The following ZNF292 variants were observed in gnomAD, a reference collection of about 807,000 sequenced individuals.
The protein encoded by ZNF292 is zinc finger protein 292.
ZNF292 carries 26 observed loss-of-function variants against 217.9 expected under a neutral mutation model. The ratio of observed to expected loss-of-function variants is 0.12; its 90% CI spans 0.09 to 0.17. ZNF292 has a LOEUF of 0.17. ZNF292 is among the 10% of genes least tolerant of loss of function. The pLI is 1.00. For synonymous variants in ZNF292, 1,257 were observed against 1,124.1 expected (o/e 1.12, Z -2.37); for missense variants, 2,904 against 3,175.2 (o/e 0.91, Z 2.05).
chr6:87,243,744 T>C, intron 6 of ZNF292, 133 bp downstream of exon 6: 1 of 861,256 alleles, frequency 1.2e-6, no homozygotes, highest in Non-Finnish European at 1.6e-6. Context: ...AGATATTACA[T>C]GCTGTGCAAA....
chr6:87,258,362 A>G lies in ZNF292; in HGVS notation c.4733A>G (p.Lys1578Arg). ...PVFPTNDLLL[K>R]TVENGLCSSS... The stretch of plus-strand genomic sequence containing the variant: ...TTTCCAACGAATGACTTACTACTGA[A>G]GACTGTTGAAAATGGTTTGTGCTCT... Residue 1578 changes from lysine (K) to arginine (R), a missense_variant, in exon 8 of 8, where the codon AAG becomes AGG. By Grantham distance (26) the Lys-to-Arg change is conservative (BLOSUM62 2). Transcript: ENST00000369577. 6.2e-7 allele frequency: 1 copy of G among 1,613,690 alleles called. No homozygotes were observed. The highest frequency in any genetic ancestry group is 8.5e-7 in the Non-Finnish European group (1 of 1,179,780).
chr6:87,217,611 A>G (rs927202493), intron 3 of ZNF292, among the ~76,000 whole-genome samples: 1 of 152,082 alleles, frequency 6.6e-6, no homozygotes, highest in Non-Finnish European at 1.5e-5. Flanking sequence ...CGTAAGATAA[A>G]ATTTTACACT....
intron 5 of ZNF292, among the ~76,000 whole-genome samples, chr6:87,240,641 G>A (rs1163377259): frequency 6.6e-6 from 1 of 152,056 alleles, no homozygotes; most frequent in Non-Finnish European, 1.5e-5. Flanking sequence ...GGCTGGTCTC[G>A]AACTCCTGAC....
At chr6:87,210,298 A>G (rs1283602301) in intron 1 of ZNF292, among the ~76,000 whole-genome samples, 1 of 152,216 alleles carries the variant, frequency 6.6e-6, no homozygotes, top group Non-Finnish European at 1.5e-5. Context: ...ACAGATACAT[A>G]GTTTAATTTG....
chr6:87,259,674 TAAA>T lies in ZNF292; in HGVS notation c.6048_6050del (p.Lys2017del). The T allele has an allele frequency of 6.3e-7, 1 of 1,591,338 alleles. No individual in the cohort carries two copies. The highest frequency in any genetic ancestry group is 1.1e-5 in the South Asian group (1 of 87,606). ...AACAGCTAGCTATGACAGAGGAAAA[TAAA>T]AAGGAATCTCAGCCTGCTTTAGAAT... is the stretch of plus-strand genomic sequence containing the variant. On this transcript the variant is annotated inframe_deletion, in exon 8 of 8. Coordinates refer to ENST00000369577, the MANE Select transcript of ZNF292 (RefSeq NM_015021.3).
At position 87,255,868 on chromosome 6, in the gene ZNF292, A is replaced by G. The variant is rs1339092509; in HGVS notation, c.2239A>G (p.Ser747Gly). 1.9e-6 allele frequency: 3 copies of G among 1,613,876 alleles called. No homozygotes were observed. Among genetic ancestry groups the G allele is most frequent in the South Asian group, 1.1e-5 (1 of 91,072 alleles). Reference sequence around the variant, plus strand: ...TGATCACTTACAGATGCACTGTGGCAGTAAACCATATATCTGTATACAGAT... The same window carrying G: ...TGATCACTTACAGATGCACTGTGGCGGTAAACCATATATCTGTATACAGAT... Reference protein sequence around the residue: ...LNDHLQMHCGSKPYICIQMKC... With the variant: ...LNDHLQMHCGGKPYICIQMKC... The change falls in exon 8 of 8, where the codon AGT becomes GGT. Residue 747 changes from serine (S) to glycine (G), a missense_variant. Transcript: ENST00000369577.
intron 6 of ZNF292, among the ~76,000 whole-genome samples, chr6:87,244,778 A>G (rs1774482218): frequency 6.6e-6 from 1 of 152,132 alleles, no homozygotes; most frequent in African/African-American, 2.4e-5. Flanking sequence ...TAAATTTGTT[A>G]GAAGATAAAA....
intron 5 of ZNF292, among the ~76,000 whole-genome samples, chr6:87,240,640 C>A (rs956536693): frequency 6.6e-6 from 1 of 152,036 alleles, no homozygotes; most frequent in Admixed American, 6.5e-5. Flanking sequence ...AGGCTGGTCT[C>A]GAACTCCTGA....
rs1221594609 is a variant in ZNF292, at chr6:87,256,896, G to A, written c.3267G>A (p.Val1089=). 2.5e-6 allele frequency: 4 copies of A among 1,613,780 alleles called. No homozygotes were observed. The highest frequency in any genetic ancestry group is 3.4e-6 in the Non-Finnish European group (4 of 1,179,824). ...GTAATTCATTAGGAACTCCATCAGTGCCTCCAAAAGCTCCAGTTCAGAAAT... is the reference window on the plus strand; with the variant it reads ...GTAATTCATTAGGAACTCCATCAGTACCTCCAAAAGCTCCAGTTCAGAAAT... ...DLSNSLGTPS[V]PPKAPVQKFS... The change falls in exon 8 of 8, where the codon GTG becomes GTA. Residue 1089 remains valine, a synonymous_variant. Transcript: ENST00000369577.
At position 87,255,014 on chromosome 6, in the gene ZNF292, A is replaced by C. The variant is rs1455356254; in HGVS notation, c.1385A>C (p.Glu462Ala). Reference sequence around the variant, plus strand: ...CGACAATGTCTTGCATTAATGGGAGAAGAAGCATCCATTGTGTCTTCAATA... The same window carrying C: ...CGACAATGTCTTGCATTAATGGGAGCAGAAGCATCCATTGTGTCTTCAATA... Reference protein sequence around the residue: ...LKRQCLALMGEEASIVSSIDE... With the variant: ...LKRQCLALMGAEASIVSSIDE... Residue 462 changes from glutamate (E) to alanine (A), a missense_variant, in exon 8 of 8, where the codon GAA becomes GCA. Transcript: ENST00000369577. 3.1e-6 allele frequency: 5 copies of C among 1,613,714 alleles called. No individual in the cohort carries two copies. In the East Asian group the frequency reaches 8.9e-5, roughly 29 times the overall value.
At chr6:87,173,690 C>CA (rs1771185323) in intron 1 of ZNF292, 1 of 152,224 alleles carries the variant, frequency 6.6e-6, no homozygotes, top group African/African-American at 2.4e-5. Flanking sequence ...GGAAGTTTTT[C>CA]AAAAGCTTCT....
intron 1 of ZNF292, among the ~76,000 whole-genome samples, chr6:87,197,945 C>T (rs1203301353): frequency 6.6e-6 from 1 of 151,926 alleles, no homozygotes; most frequent in African/African-American, 2.4e-5. Flanking sequence ...ACAGGTCTCT[C>T]TGAAATGTAG....
rs1463821990 is a variant in ZNF292 at position 87,262,719 on chromosome 6, A to G, written c.*918A>G. 6.6e-6 allele frequency: 1 copy of G among 152,034 alleles called. No homozygotes were observed. The highest frequency in any genetic ancestry group is 2.4e-5 in the African/African-American group (1 of 41,442). The allele number at this position is 152,034 out of a possible 1,614,324, so 9.4% of individuals were successfully genotyped here. On this transcript the variant is annotated 3_prime_UTR_variant, in exon 8 of 8. Coordinates refer to ENST00000369577, the MANE Select transcript of ZNF292 (RefSeq NM_015021.3). ...GTGAAGTAGCCCAGTATTGCCTTAAATAAAATCACATTTCATTTCTTGTTT... is the reference window on the plus strand; with the variant it reads ...GTGAAGTAGCCCAGTATTGCCTTAAGTAAAATCACATTTCATTTCTTGTTT...
At chr6:87,224,027 C>T (rs1026472355) in intron 4 of ZNF292, 1 of 152,246 alleles carries the variant, frequency 6.6e-6, no homozygotes, top group Admixed American at 6.5e-5. Context: ...AACAAAATGT[C>T]ATGTAATTGG....
At chr6:87,183,832 G>T (rs1027442138) in intron 1 of ZNF292, among the ~76,000 whole-genome samples, 3 of 152,150 alleles carry the variant, frequency 2.0e-5, no homozygotes, top group Admixed American at 6.5e-5. Context: ...TTGTATACAC[G>T]CAGTATTATA....
At chr6:87,161,342 A>G (rs1770748487) in intron 1 of ZNF292, among the ~76,000 whole-genome samples, 1 of 152,248 alleles carries the variant, frequency 6.6e-6, no homozygotes, top group Non-Finnish European at 1.5e-5. Flanking sequence ...ATAAATTAGT[A>G]AGATAATATT....
intron 3 of ZNF292, among the ~76,000 whole-genome samples, chr6:87,217,094 A>G (rs1772825395): frequency 6.6e-6 from 1 of 152,024 alleles, no homozygotes; most frequent in South Asian, 2.1e-4. Flanking sequence ...CTAGTTTCAA[A>G]GCTATAGTTC....
chr6:87,244,543 G>C (rs1402109432), intron 6 of ZNF292, among the ~76,000 whole-genome samples: 1 of 152,188 alleles, frequency 6.6e-6, no homozygotes, highest in African/African-American at 2.4e-5. Flanking sequence ...AGAAGTTTAT[G>C]TTTAAGAAAC....
In ZNF292 at chr6:87,264,877, GATTAATTA is replaced by G. The variant is rs1331649664; in HGVS notation, c.*3077_*3084del. On this transcript the variant is annotated 3_prime_UTR_variant, in exon 8 of 8. Coordinates refer to ENST00000369577, the MANE Select transcript of ZNF292 (RefSeq NM_015021.3). ...TAGTGGATAAATTGAGTAAGTTGGA[GATTAATTA>G]GGGGGACCTAAAATAGTCCAGGCAA... Among the ~76,000 whole-genome samples the G allele has an allele frequency of 1.3e-5, 2 of 152,178 alleles. No homozygotes were observed. Among genetic ancestry groups the G allele is most frequent in the Admixed American group, 6.5e-5 (1 of 15,286 alleles).
Sources: gnomAD v4.1 joint callset for allele counts (sites outside exome capture counted in the v4.1 genomes callset) on GRCh38, gnomAD v4.1.1 for gene constraint, MANE v1.5 for transcripts, NCBI Gene and HGNC (gene_info 2026-07-23, HGNC 2026-07-21) for gene names.